Variants in PDSS2 observed in about 807,000 individuals in gnomAD.
PDSS2 encodes all trans-polyprenyl-diphosphate synthase PDSS2.
Under a neutral mutation model 44.5 loss-of-function variants are expected in PDSS2, and 31 were observed. The observed-to-expected ratio is 0.70, with a 90% CI of 0.52 to 0.94. The LOEUF (loss-of-function observed/expected upper bound fraction) is 0.94, where lower values mean the gene tolerates loss of function less well. Ranked by LOEUF, PDSS2 falls within the 40% of genes least tolerant of loss-of-function variation. The probability of loss-of-function intolerance (pLI) is 0.00; values close to 1 mark genes in which losing one functional copy is unlikely to be tolerated. For missense variants in PDSS2, 452 were observed against 482.2 expected (o/e 0.94, Z 0.59); for synonymous variants, 157 against 180.3 (o/e 0.87, Z 1.03).
At chr6:107,176,504 C>G (rs542335472) in intron 7 of PDSS2, among the ~76,000 whole-genome samples, 2 of 151,984 alleles carry the variant, frequency 1.3e-5, no homozygotes, top group South Asian at 2.1e-4. Context: ...CTGTCCTCCA[C>G]GTTTATCAAT....
Position 107,426,730 on chromosome 6 carries a change from A to C in PDSS2, c.296+32260T>G. Among the ~76,000 whole-genome samples the C allele has an allele frequency of 1.3e-5, 2 of 152,206 alleles. 1 individual carries two copies. Among genetic ancestry groups the C allele is most frequent in the Non-Finnish European group, 2.9e-5 (2 of 68,038 alleles). ...ACCTGAATGCAAGACATGGAGTCAA[A>C]GGAGATTATTTTGGAGTTTTACGAT... On this transcript the variant is annotated intron_variant, in intron 1 of 7. Coordinates refer to ENST00000369037, the MANE Select transcript of PDSS2 (RefSeq NM_020381.4).
At chr6:107,333,383 T>G (rs1010647338) in intron 2 of PDSS2, among the ~76,000 whole-genome samples, 6 of 152,282 alleles carry the variant, frequency 3.9e-5, no homozygotes, top group African/African-American at 1.4e-4. Flanking sequence ...TTATTTTATA[T>G]GCAGCAAAAA....
At chr6:107,198,794 AAACAATAAC>A (rs1420142394) in intron 6 of PDSS2, among the ~76,000 whole-genome samples, 3 of 101,330 alleles carry the variant, frequency 3.0e-5, no homozygotes, top group African/African-American at 7.6e-5. Context: ...CTGTCTCTAC[AAACAATAAC>A]AACAACAACA....
intron 7 of PDSS2, among the ~76,000 whole-genome samples, chr6:107,190,080 T>C (rs1015757319): frequency 1.5e-5 from 2 of 137,086 alleles, no homozygotes; most frequent in African/African-American, 5.3e-5. Flanking sequence ...TGAGACCCTA[T>C]CTCTAAAAAA....
At chr6:107,389,205 A>G (rs1321712456) in intron 1 of PDSS2, among the ~76,000 whole-genome samples, 1 of 152,206 alleles carries the variant, frequency 6.6e-6, no homozygotes, top group African/African-American at 2.4e-5. Flanking sequence ...ACAACATAAA[A>G]CATGAACTTT....
At chr6:107,252,164 GC>G (rs1309290890) in intron 3 of PDSS2, among the ~76,000 whole-genome samples, 1 of 152,150 alleles carries the variant, frequency 6.6e-6, no homozygotes, top group African/African-American at 2.4e-5. Flanking sequence ...ACCCAGATGA[GC>G]CCTACTCTGC....
At chr6:107,426,680 G>A (rs1280681226) in intron 1 of PDSS2, among the ~76,000 whole-genome samples, 1 of 152,176 alleles carries the variant, frequency 6.6e-6, no homozygotes, top group African/African-American at 2.4e-5. Flanking sequence ...CAAGACCATG[G>A]GAGCCCACCC....
intron 7 of PDSS2, among the ~76,000 whole-genome samples, chr6:107,176,191 G>A (rs1244322676): frequency 6.6e-6 from 1 of 151,894 alleles, no homozygotes. Context: ...ATAGGTAAGC[G>A]CCACCACACT....
chr6:107,317,018 A>G (rs1448607135), intron 2 of PDSS2, among the ~76,000 whole-genome samples: 4 of 152,196 alleles, frequency 2.6e-5, no homozygotes, highest in Middle Eastern at 3.2e-3. Flanking sequence ...AAAAGCAACT[A>G]GGCCCCATGC....
At chr6:107,425,364 G>A (rs1211948967) in intron 1 of PDSS2, among the ~76,000 whole-genome samples, 1 of 152,196 alleles carries the variant, frequency 6.6e-6, no homozygotes, top group African/African-American at 2.4e-5. Context: ...ACTTCCTAGA[G>A]ACTTGTTGAA....
chr6:107,366,220 T>G (rs947586896), intron 1 of PDSS2, among the ~76,000 whole-genome samples: 1 of 151,994 alleles, frequency 6.6e-6, no homozygotes. Flanking sequence ...AGATCTCAAA[T>G]AGAAAGAAAT....
chr6:107,381,045 T>G (rs1779439217), intron 1 of PDSS2, among the ~76,000 whole-genome samples: 1 of 152,214 alleles, frequency 6.6e-6, no homozygotes, highest in South Asian at 2.1e-4. Flanking sequence ...CATCCCCTCA[T>G]TTCCATTATC....
chr6:107,223,341 G>A (rs1209285371), intron 4 of PDSS2, among the ~76,000 whole-genome samples: 1 of 150,892 alleles, frequency 6.6e-6, no homozygotes, highest in Non-Finnish European at 1.5e-5. Context: ...ACCAGCCTGG[G>A]CAACATGGTG....
chr6:107,349,018 T>C (rs1340197289), intron 1 of PDSS2, among the ~76,000 whole-genome samples: 2 of 152,218 alleles, frequency 1.3e-5, no homozygotes, highest in Admixed American at 1.3e-4. Context: ...CCTTCCTTTT[T>C]GTAAACAATC....
intron 4 of PDSS2, among the ~76,000 whole-genome samples, chr6:107,223,942 A>C (rs1470464280): frequency 6.6e-6 from 1 of 151,212 alleles, no homozygotes; most frequent in East Asian, 1.9e-4. Flanking sequence ...GTGAGCGAGC[A>C]TTACTGCCTG....
At chr6:107,208,831 G>A (rs1773101725) in intron 6 of PDSS2, among the ~76,000 whole-genome samples, 1 of 151,878 alleles carries the variant, frequency 6.6e-6, no homozygotes, top group Non-Finnish European at 1.5e-5. Context: ...AAAGTGTTGG[G>A]ATTACAGGTG....
chr6:107,251,187 A>G (rs1436509407), intron 3 of PDSS2, among the ~76,000 whole-genome samples: 1 of 152,248 alleles, frequency 6.6e-6, no homozygotes, highest in African/African-American at 2.4e-5. Flanking sequence ...GTAAACTATA[A>G]GGTAACATGG....
intron 2 of PDSS2, among the ~76,000 whole-genome samples, chr6:107,292,068 A>G (rs955553228): frequency 6.6e-6 from 1 of 152,146 alleles, no homozygotes; most frequent in African/African-American, 2.4e-5. Context: ...GTATACAGAA[A>G]AGAAGCAGAA....
intron 2 of PDSS2, among the ~76,000 whole-genome samples, chr6:107,281,553 G>A (rs1199555425): frequency 1.3e-5 from 2 of 152,102 alleles, no homozygotes; most frequent in Non-Finnish European, 2.9e-5. Flanking sequence ...TAGAAGTAGA[G>A]GATCTCCTTT....
Sources: allele counts gnomAD v4.1 joint callset (sites outside exome capture counted in the v4.1 genomes callset), GRCh38; gene constraint gnomAD v4.1.1; transcripts MANE v1.5; gene names NCBI Gene and HGNC (gene_info 2026-07-23, HGNC 2026-07-21).